PTPRD: variants seen among roughly 807,000 people sequenced by gnomAD.
The protein encoded by PTPRD is protein tyrosine phosphatase receptor type D.
Under a neutral mutation model 214.5 loss-of-function variants are expected in PTPRD, and 34 were observed. The observed-to-expected ratio is 0.16, with a 90% CI of 0.12 to 0.21. PTPRD has a LOEUF of 0.21. Ranked by LOEUF, PTPRD falls within the 10% of genes least tolerant of loss-of-function variation. The pLI is 1.00. For missense variants in PTPRD, 2,545 were observed against 2,398.7 expected (o/e 1.06, Z -1.27); for synonymous variants, 1,128 against 845.7 (o/e 1.33, Z -5.79).
intron 11 of PTPRD, among the ~76,000 whole-genome samples, chr9:9,012,265 T>C (rs1569386430): frequency 6.6e-6 from 1 of 152,172 alleles, no homozygotes; most frequent in Non-Finnish European, 1.5e-5. Context: ...AACCAAGCCC[T>C]GGCTGACACA....
rs79323101 is a variant in PTPRD, at chr9:8,489,545, G to A, written c.2468-3196C>T. ...AAGAAATGAATGCTTATGCAGCTTGGGGAAGAACACCCAATATCACCTCAG... is the reference window on the plus strand; with the variant it reads ...AAGAAATGAATGCTTATGCAGCTTGAGGAAGAACACCCAATATCACCTCAG... On this transcript the variant is annotated intron_variant, in intron 27 of 45. Transcript: ENST00000381196. Among the ~76,000 whole-genome samples, 272 of 152,270 alleles carry A rather than the reference G, an allele frequency of 1.8e-3. 3 individuals are homozygous for A. The East Asian group carries it at 0.032, about 18-fold the overall frequency.
At chr9:10,283,291 T>C (rs1447129596) in intron 3 of PTPRD, among the ~76,000 whole-genome samples, 1 of 152,212 alleles carries the variant, frequency 6.6e-6, no homozygotes, top group Non-Finnish European at 1.5e-5. Context: ...ATAAGAAATA[T>C]GAATTCAGTG....
intron 4 of PTPRD, among the ~76,000 whole-genome samples, chr9:9,950,050 C>G (rs537237442): frequency 6.6e-6 from 1 of 152,174 alleles, no homozygotes; most frequent in Non-Finnish European, 1.5e-5. Context: ...AACGTACCAT[C>G]ATAGTCCAGC....
At chr9:9,256,627 T>A (rs2099977820) in intron 9 of PTPRD, among the ~76,000 whole-genome samples, 1 of 152,020 alleles carries the variant, frequency 6.6e-6, no homozygotes, top group Non-Finnish European at 1.5e-5. Context: ...TCCTGTGTCC[T>A]AGCCTCGGTT....
chr9:9,000,673 T>A (rs1381742795), intron 11 of PTPRD, among the ~76,000 whole-genome samples: 1 of 152,014 alleles, frequency 6.6e-6, no homozygotes, highest in East Asian at 1.9e-4. Flanking sequence ...TGATGAATTC[T>A]ACCTTAGATG....
intron 11 of PTPRD, among the ~76,000 whole-genome samples, chr9:8,849,506 G>A (rs572737881): frequency 9.4e-4 from 143 of 152,256 alleles, no homozygotes; most frequent in Non-Finnish European, 1.5e-3. Context: ...GATTACAGGC[G>A]TGAGCCACCG....
chr9:10,075,455 T>C (rs1186079217), intron 3 of PTPRD, among the ~76,000 whole-genome samples: 1 of 151,974 alleles, frequency 6.6e-6, no homozygotes, highest in Non-Finnish European at 1.5e-5. Flanking sequence ...TTGATATAAC[T>C]TTTTATAACT....
At chr9:8,495,476 C>G (rs772469847) in intron 26 of PTPRD, among the ~76,000 whole-genome samples, 1 of 152,168 alleles carries the variant, frequency 6.6e-6, no homozygotes, top group Non-Finnish European at 1.5e-5. Context: ...CCTTTTTACT[C>G]TCTAATCTAT....
chr9:9,677,561 A>G (rs1054503287), intron 7 of PTPRD, among the ~76,000 whole-genome samples: 2 of 152,108 alleles, frequency 1.3e-5, no homozygotes, highest in African/African-American at 4.8e-5. Flanking sequence ...TATTGATGGG[A>G]CGTATCTCAA....
chr9:10,549,289 T>C (rs1172155394), intron 2 of PTPRD, among the ~76,000 whole-genome samples: 1 of 152,090 alleles, frequency 6.6e-6, no homozygotes, highest in East Asian at 1.9e-4. Flanking sequence ...GACTTCTACA[T>C]CCAAACCGAA....
rs2099132805 is a variant in PTPRD, at chr9:10,486,347, T to C, written c.-600+126051A>G. Reference sequence around the variant, plus strand: ...TTTAAGTCTTTAATCCACCTTGAGTTAATTTTTGTATAAGGTATAAGGAAG... The same window carrying C: ...TTTAAGTCTTTAATCCACCTTGAGTCAATTTTTGTATAAGGTATAAGGAAG... On this transcript the variant is annotated intron_variant, in intron 2 of 45. Transcript: ENST00000381196. Among the ~76,000 whole-genome samples the C allele has an allele frequency of 2.6e-5, 4 of 152,296 alleles. No homozygotes were observed. In the South Asian group the frequency reaches 8.3e-4, roughly 32 times the overall value.
At chr9:8,968,152 C>G (rs1303038610) in intron 11 of PTPRD, among the ~76,000 whole-genome samples, 2 of 152,068 alleles carry the variant, frequency 1.3e-5, no homozygotes, top group Non-Finnish European at 2.9e-5. Flanking sequence ...TCCAGTCTAT[C>G]ATTGTTGGAC....
At chr9:9,501,574 T>G (rs1015438325) in intron 8 of PTPRD, among the ~76,000 whole-genome samples, 1 of 151,942 alleles carries the variant, frequency 6.6e-6, no homozygotes, top group Admixed American at 6.6e-5. Context: ...TTCTAGTTAA[T>G]GTATATCAAC....
chr9:9,352,327 A>ATATATATGTGTGTG (rs1555280411), intron 9 of PTPRD, among the ~76,000 whole-genome samples: 7 of 68,442 alleles, frequency 1.0e-4, no homozygotes, highest in African/African-American at 3.1e-4. Context: ...ATATATATAT[A>ATATATATGTGTGTG]TGTGTGTGTG....
intron 2 of PTPRD, among the ~76,000 whole-genome samples, chr9:10,446,848 A>G (rs1017193287): frequency 1.3e-5 from 2 of 152,196 alleles, no homozygotes; most frequent in African/African-American, 4.8e-5. Context: ...AAAGGTTTTC[A>G]GAAATCATGG....
At chr9:10,144,796 T>C (rs2099011084) in intron 3 of PTPRD, among the ~76,000 whole-genome samples, 1 of 152,054 alleles carries the variant, frequency 6.6e-6, no homozygotes, top group East Asian at 1.9e-4. Context: ...TAATGGATTA[T>C]AATGTTAACA....
At chr9:8,393,944 G>A (rs114750939) in intron 36 of PTPRD, among the ~76,000 whole-genome samples, 31,634 of 151,892 alleles carry the variant, frequency 0.21, 3,428 homozygotes, top group Non-Finnish European at 0.23. Flanking sequence ...GGCTGTTAAT[G>A]CAAGCCTGTA....
intron 9 of PTPRD, among the ~76,000 whole-genome samples, chr9:9,204,052 T>C (rs1370340338): frequency 6.6e-6 from 1 of 152,170 alleles, no homozygotes; most frequent in African/African-American, 2.4e-5. Context: ...CCACTGCCTT[T>C]CTGGGTCAAC....
chr9:9,939,245 T>A (rs981125843), intron 4 of PTPRD, among the ~76,000 whole-genome samples: 3 of 152,168 alleles, frequency 2.0e-5, no homozygotes, highest in Non-Finnish European at 2.9e-5. Context: ...GGCTCCTGTA[T>A]GAATGGAATG....
Sources: allele counts gnomAD v4.1 joint callset (sites outside exome capture counted in the v4.1 genomes callset), GRCh38; gene constraint gnomAD v4.1.1; transcripts MANE v1.5; gene names NCBI Gene and HGNC (gene_info 2026-07-23, HGNC 2026-07-21).